Variants in ABLIM2 observed in about 807,000 individuals in gnomAD.
ABLIM2 encodes the protein actin-binding LIM protein 2.
In ABLIM2, 53 loss-of-function variants were observed where a neutral mutation model predicts 97.7. The observed-to-expected ratio is 0.54, with a 90% CI of 0.44 to 0.68. The LOEUF is 0.68. ABLIM2 is among the 30% of genes least tolerant of loss of function. The pLI is 0.00. For synonymous variants in ABLIM2, 361 were observed against 345.8 expected (o/e 1.04, Z -0.49); for missense variants, 835 against 867.2 (o/e 0.96, Z 0.47).
intron 14 of ABLIM2, among the ~76,000 whole-genome samples, chr4:8,018,035 A>C (rs1770753123): frequency 6.6e-6 from 1 of 151,990 alleles, no homozygotes; most frequent in Admixed American, 6.5e-5. Flanking sequence ...GGAGACAGTA[A>C]AATCTAATCT....
rs1345229758 is a variant in ABLIM2, at chr4:8,130,742, A to AGACG, written c.11-24109_11-24106dup. On this transcript the variant is annotated intron_variant, in intron 1 of 20. Coordinates refer to ENST00000447017, the MANE Select transcript of ABLIM2 (RefSeq NM_001130083.2). The surrounding 1 kb of genome is among the most constrained non-coding windows in gnomAD (Gnocchi z 4.2). ...AATTAGCCAGGCCCAGGGAGGGGAG[A>AGACG]GACGGTCTGGGCAGAGAGCAGTACA... Among the ~76,000 whole-genome samples, 2 of 152,066 alleles carry AGACG rather than the reference A, an allele frequency of 1.3e-5. No individual in the cohort carries two copies. Among genetic ancestry groups the AGACG allele is most frequent in the East Asian group, 3.9e-4 (2 of 5,184 alleles).
intron 1 of ABLIM2, among the ~76,000 whole-genome samples, chr4:8,144,569 T>C (rs61016586): frequency 0.077 from 11,788 of 152,218 alleles, 553 homozygotes; most frequent in Middle Eastern, 0.16. Flanking sequence ...GAGGGCGCCA[T>C]TCAGCTGAGC....
chr4:7,993,798 C>T (rs1413934671), intron 16 of ABLIM2: 3 of 415,938 alleles, frequency 7.2e-6, no homozygotes, highest in Admixed American at 5.5e-5. Flanking sequence ...ACTCTGGATT[C>T]CCTGTGGGGC....
At position 8,058,982 on chromosome 4, in the gene ABLIM2, T is replaced by G. The variant is rs73074066; in HGVS notation, c.763+1985A>C. 6.6e-6 allele frequency among the ~76,000 whole-genome samples: 1 copy of G among 152,014 alleles called. No individual in the cohort carries two copies. The highest frequency in any genetic ancestry group is 1.5e-5 in the Non-Finnish European group (1 of 68,004). ...CCACCTGCTGCCCCAACCCTGCTCA[T>G]TGGCTGCAACCCCCACTGTCTGCCA... is the stretch of plus-strand genomic sequence containing the variant. On this transcript the variant is annotated intron_variant, in intron 7 of 20. Transcript: ENST00000447017. The surrounding 1 kb of genome is among the most constrained non-coding windows in gnomAD (Gnocchi z 4.2).
rs982644660 is a variant in ABLIM2 at position 8,001,109 on chromosome 4, G to A, written c.1618+6950C>T. On this transcript the variant is annotated intron_variant, in intron 16 of 20. Transcript: ENST00000447017. The surrounding 1 kb of genome is among the most constrained non-coding windows in gnomAD (Gnocchi z 4.2). ...TCGGGTCCCCTCTCTGAGCCTTGGT[G>A]TGTCCATCTGAGGAAGACGGGCACC... Among the ~76,000 whole-genome samples the A allele has an allele frequency of 6.6e-6, 1 of 152,204 alleles. No individual in the cohort carries two copies. Among genetic ancestry groups the A allele is most frequent in the African/African-American group, 2.4e-5 (1 of 41,454 alleles).
At chr4:7,967,192 G>A in intron 20 of ABLIM2, 89 bp from the exon 21 acceptor site, 2 of 1,077,058 alleles carry the variant, frequency 1.9e-6, no homozygotes, top group East Asian at 2.4e-5. Flanking sequence ...AGCAATCCAG[G>A]GGCAGGATTG....
chr4:8,002,085 G>A lies in ABLIM2; in HGVS notation c.1618+5974C>T, dbSNP rs139176205. Among the ~76,000 whole-genome samples, 6 of 152,286 alleles carry A rather than the reference G, an allele frequency of 3.9e-5. No individual in the cohort carries two copies. In the East Asian group the frequency reaches 7.7e-4, roughly 20 times the overall value. ...GAAAGGAACACAAACTCAGGACACA[G>A]CCACGTACTCACAGTTGGAGTGGCT... is the stretch of plus-strand genomic sequence containing the variant. On this transcript the variant is annotated intron_variant, in intron 16 of 20. Transcript: ENST00000447017. The surrounding 1 kb of genome is among the most constrained non-coding windows in gnomAD (Gnocchi z 6.1).
At chr4:8,034,135 A>C (rs966834102) in intron 10 of ABLIM2, among the ~76,000 whole-genome samples, 1 of 152,206 alleles carries the variant, frequency 6.6e-6, no homozygotes, top group Non-Finnish European at 1.5e-5. Flanking sequence ...TTTGGGTCTT[A>C]GCCCTGTGGC....
In ABLIM2 at chr4:8,044,592, C is replaced by T. The variant is rs1790920470; in HGVS notation, c.900+572G>A. 6.6e-6 allele frequency among the ~76,000 whole-genome samples: 1 copy of T among 151,474 alleles called. No individual in the cohort carries two copies. Among genetic ancestry groups the T allele is most frequent in the Admixed American group, 6.6e-5 (1 of 15,194 alleles). On this transcript the variant is annotated intron_variant, in intron 9 of 20. Transcript: ENST00000447017. This position sits in a 1 kb window ranked among gnomAD's most constrained non-coding sequence, Gnocchi z 4.4. ...TGGTAACAACTTGTTAAAATGTTTT[C>T]AATCATTTTTATATTTGTATGTGAT...
rs190745090 is a variant in ABLIM2 at position 8,056,280 on chromosome 4, T to C, written c.764-2034A>G. Among the ~76,000 whole-genome samples the C allele has an allele frequency of 3.1e-3, 466 of 150,994 alleles. 3 individuals are homozygous for C. Among genetic ancestry groups the C allele is most frequent in the African/African-American group, 0.01 (429 of 41,236 alleles). On this transcript the variant is annotated intron_variant, in intron 7 of 20. Transcript: ENST00000447017. ...TACAAATGGAAGGGGTTCAGTGTAA[T>C]ACACAGTTTCTTCTTTCTTTCTTTC... is the stretch of plus-strand genomic sequence containing the variant.
chr4:8,034,322 T>C (rs1358545079), intron 10 of ABLIM2, among the ~76,000 whole-genome samples: 1 of 137,944 alleles, frequency 7.2e-6, no homozygotes, highest in Non-Finnish European at 1.6e-5. Context: ...TAGGTGGGTG[T>C]AGGTGGATGC....
chr4:8,094,608 C>T (rs1830458379), intron 3 of ABLIM2, among the ~76,000 whole-genome samples: 2 of 152,222 alleles, frequency 1.3e-5, no homozygotes, highest in Non-Finnish European at 2.9e-5. Context: ...GATAACATAA[C>T]TGATTAGGTC....
rs1775315029 is a variant in ABLIM2 at position 8,023,492 on chromosome 4, A to T, written c.1268-3189T>A. ...AGGTGAAGTGTCCTCACCACATCCT[A>T]TCAAGGGCACCTGCTGTCAGCAGAG... On this transcript the variant is annotated intron_variant, in intron 12 of 20. Transcript: ENST00000447017. This position sits in a 1 kb window ranked among gnomAD's most constrained non-coding sequence, Gnocchi z 5.7. 6.6e-6 allele frequency among the ~76,000 whole-genome samples: 1 copy of T among 152,202 alleles called. No individual in the cohort carries two copies. The highest frequency in any genetic ancestry group is 1.5e-5 in the Non-Finnish European group (1 of 68,044).
In ABLIM2 at chr4:8,068,266, C is replaced by T. The variant is rs932520509; in HGVS notation, c.676-7212G>A. Among the ~76,000 whole-genome samples, 2 of 152,160 alleles carry T rather than the reference C, an allele frequency of 1.3e-5. No individual in the cohort carries two copies. Among genetic ancestry groups the T allele is most frequent in the Non-Finnish European group, 2.9e-5 (2 of 68,030 alleles). ...ATATATGAGCAACTGAAAGACTTTG[C>T]AGTGAGTGGTTTTAGGAAGACATCT... On this transcript the variant is annotated intron_variant, in intron 6 of 20. Coordinates refer to ENST00000447017, the MANE Select transcript of ABLIM2 (RefSeq NM_001130083.2). This position sits in a 1 kb window ranked among gnomAD's most constrained non-coding sequence, Gnocchi z 4.5.
At chr4:8,027,502 C>T (rs991653651) in intron 12 of ABLIM2, among the ~76,000 whole-genome samples, 9 of 152,322 alleles carry the variant, frequency 5.9e-5, no homozygotes, top group East Asian at 1.9e-4. Flanking sequence ...TGCAGGAACC[C>T]GGGTCCCCTC....
At chr4:7,978,549 G>A (rs748031537) in intron 20 of ABLIM2, among the ~76,000 whole-genome samples, 1 of 152,204 alleles carries the variant, frequency 6.6e-6, no homozygotes, top group Non-Finnish European at 1.5e-5. Context: ...TGGGCCAGGA[G>A]CTGCCAGACC....
At chr4:7,993,093 G>T (rs1463141833) in intron 16 of ABLIM2, among the ~76,000 whole-genome samples, 166 bp from the exon 17 acceptor site, 2 of 152,184 alleles carry the variant, frequency 1.3e-5, no homozygotes, top group African/African-American at 2.4e-5. Context: ...CTGTTCCCAG[G>T]GCGCTGACCG....
chr4:8,088,880 A>G (rs1464257462), intron 3 of ABLIM2, among the ~76,000 whole-genome samples: 1 of 152,178 alleles, frequency 6.6e-6, no homozygotes, highest in African/African-American at 2.4e-5. Flanking sequence ...TCAGAACCAG[A>G]ATCAAACCAA....
At chr4:8,133,459 A>T (rs1849717714) in intron 1 of ABLIM2, among the ~76,000 whole-genome samples, 1 of 152,144 alleles carries the variant, frequency 6.6e-6, no homozygotes, top group African/African-American at 2.4e-5. Context: ...CTCTCCTGGT[A>T]GAGACGGGAG....
Sources: allele counts gnomAD v4.1 joint callset (sites outside exome capture counted in the v4.1 genomes callset), GRCh38; gene constraint gnomAD v4.1.1; non-coding constraint Gnocchi (gnomAD v3.1); transcripts MANE v1.5; gene names NCBI Gene and HGNC (gene_info 2026-07-23, HGNC 2026-07-21).